Variants in CSN2 observed in about 807,000 individuals in gnomAD.
CSN2 encodes beta-casein.
CSN2 carries 27 observed loss-of-function variants against 27.3 expected under a neutral mutation model. That is an observed-to-expected ratio of 0.99 (90% CI 0.73 to 1.36). CSN2 has a LOEUF of 1.36. CSN2 is among the 40% of genes most tolerant of loss of function. The pLI is 0.00. For missense variants in CSN2, 333 were observed against 264.5 expected, an observed-to-expected ratio of 1.26 and a Z score of -1.80; for synonymous variants, 131 against 94.8, an observed-to-expected ratio of 1.38 and a Z score of -2.22.
At chr4:69,957,830 G>C in intron 5 of CSN2, 26 bp from the exon 6 acceptor site, 1 of 1,590,102 alleles carries the variant, frequency 6.3e-7, no homozygotes, top group Non-Finnish European at 8.6e-7. Context: ...AAGAATCTTT[G>C]AGTCCTTGAT....
rs753613191 is a variant in CSN2, at chr4:69,957,832, G to A, written c.145-28C>T. 12 of 1,582,546 alleles carry A rather than the reference G, an allele frequency of 7.6e-6. No individual in the cohort carries two copies. In the African/African-American group the frequency reaches 1.6e-4, roughly 21 times the overall value. On this transcript the variant is annotated intron_variant, in intron 5 of 7. Coordinates refer to ENST00000353151, the MANE Select transcript of CSN2 (RefSeq NM_001891.4). ...GGAAAGAAGGAAAAAGAATCTTTGA[G>A]TCCTTGATTAAGCTATAATTGCCAT...
rs1723434887 is a variant in CSN2 at position 69,957,414 on chromosome 4, T to C, written c.535A>G (p.Ile179Val). 1.9e-6 allele frequency: 3 copies of C among 1,613,422 alleles called. No individual in the cohort carries two copies. The highest frequency in any genetic ancestry group is 2.5e-6 in the Non-Finnish European group (3 of 1,179,866). Reference protein sequence around the residue: ...WSVPQPKVLPIPQQVVPYPQR... With the variant: ...WSVPQPKVLPVPQQVVPYPQR... The stretch of plus-strand genomic sequence containing the variant: ...GGGTAGGGCACCACTTGCTGGGGGA[T>C]AGGCAGGACTTTGGGCTGAGGAACA... The change falls in exon 6 of 8, where the codon ATC (isoleucine) becomes GTC (valine). Residue 179 changes from isoleucine to valine, a missense_variant. Transcript: ENST00000353151.
In CSN2 at chr4:69,961,006, T is replaced by A. The variant is rs201010990; in HGVS notation, c.-11A>T. The A allele has an allele frequency of 6.2e-7, 1 of 1,610,850 alleles. No individual in the cohort carries two copies. On this transcript the variant is annotated splice_region_variant and 5_prime_UTR_variant, in exon 2 of 8. Transcript: ENST00000353151. ...GATGAGGACCTTCATGGCTACTAAGTCCTGTGAATGTAGAAAAAATGGAAT... is the reference window on the plus strand; with the variant it reads ...GATGAGGACCTTCATGGCTACTAAGACCTGTGAATGTAGAAAAAATGGAAT...
At position 69,958,896 on chromosome 4, in the gene CSN2, A is replaced by T; in HGVS notation, c.144+13T>A. The T allele has an allele frequency of 2.6e-6, 4 of 1,546,990 alleles. No homozygotes were observed. Among genetic ancestry groups the T allele is most frequent in the Non-Finnish European group, 3.6e-6 (4 of 1,125,892 alleles). On this transcript the variant is annotated intron_variant, in intron 5 of 7. Transcript: ENST00000353151. ...TAATAATTTTAAACATATACTTATC[A>T]TTAACAAATTACCTCTCCTTGCTGC...
intron 2 of CSN2, 114 bp from the exon 3 acceptor site, chr4:69,960,193 T>C: frequency 1.1e-6 from 1 of 915,960 alleles, no homozygotes. Context: ...AGAGGATGCA[T>C]TGGATTGTTC....
At chr4:69,960,022 T>G (rs765711120) in intron 3 of CSN2, 31 bp downstream of exon 3, 5 of 1,601,916 alleles carry the variant, frequency 3.1e-6, no homozygotes, top group South Asian at 1.1e-5. Context: ...AGGATTTTAC[T>G]GTTCTAAAAT....
chr4:69,959,786 A>G (rs975550270), intron 3 of CSN2, among the ~76,000 whole-genome samples: 4 of 151,994 alleles, frequency 2.6e-5, no homozygotes, highest in Non-Finnish European at 5.9e-5. Flanking sequence ...CAGAGTAAAG[A>G]GAGTTCAAGG....
At chr4:69,962,756 A>G (rs1215161804) in intron 1 of CSN2, among the ~76,000 whole-genome samples, 13 of 152,062 alleles carry the variant, frequency 8.5e-5, no homozygotes, top group East Asian at 1.9e-4. Context: ...AAACTAAAGA[A>G]CTTCTGCACA....
chr4:69,965,407 A>T (rs866301829), intron 1 of CSN2, among the ~76,000 whole-genome samples: 64 of 60,296 alleles, frequency 1.1e-3, no homozygotes, highest in African/African-American at 4.5e-3. Flanking sequence ...CTAGCCTCAT[A>T]CTATATATAT....
At chr4:69,958,465 A>G (rs1723471961) in intron 5 of CSN2, among the ~76,000 whole-genome samples, 1 of 152,196 alleles carries the variant, frequency 6.6e-6, no homozygotes, top group African/African-American at 2.4e-5. Flanking sequence ...TTGGGTAAAC[A>G]TATCACCATA....
intron 1 of CSN2, among the ~76,000 whole-genome samples, chr4:69,963,334 C>G (rs1316052356): frequency 4.6e-5 from 7 of 151,614 alleles, no homozygotes; most frequent in Non-Finnish European, 8.8e-5. Flanking sequence ...TTGGAACCAA[C>G]CCAAATGTCC....
At chr4:69,959,792 C>T (rs1027466082) in intron 3 of CSN2, among the ~76,000 whole-genome samples, 1 of 151,130 alleles carries the variant, frequency 6.6e-6, no homozygotes, top group Non-Finnish European at 1.5e-5. Flanking sequence ...AAAGAGAGTT[C>T]AAGGCAGAAA....
At chr4:69,960,189 T>A (rs1723528953) in intron 2 of CSN2, 110 bp from the exon 3 acceptor site, 1 of 930,892 alleles carries the variant, frequency 1.1e-6, no homozygotes, top group African/African-American at 1.7e-5. Flanking sequence ...CCTCAGAGGA[T>A]GCATTGGATT....
intron 6 of CSN2, 61 bp downstream of exon 6, chr4:69,957,213 T>C (rs1259427538): frequency 7.0e-7 from 1 of 1,420,878 alleles, no homozygotes; most frequent in Non-Finnish European, 9.5e-7. Flanking sequence ...ATTTATTCTT[T>C]TATTCTACCA....
intron 1 of CSN2, among the ~76,000 whole-genome samples, chr4:69,965,408 CTATATATATATATATATATATATATATA>C (rs756206077): frequency 1.1e-5 from 1 of 88,130 alleles, no homozygotes; most frequent in East Asian, 3.4e-4. Context: ...TAGCCTCATA[CTATATATATATATATATATATATATATA>C]TATATATATG....
chr4:69,964,259 A>G (rs1294185442), intron 1 of CSN2, among the ~76,000 whole-genome samples: 1 of 152,104 alleles, frequency 6.6e-6, no homozygotes, highest in Non-Finnish European at 1.5e-5. Flanking sequence ...CCTCTTGCCC[A>G]CTGCTAAGCT....
chr4:69,957,365 G>A lies in CSN2; in HGVS notation c.584C>T (p.Ala195Val), dbSNP rs768242941. Residue 195 changes from alanine (A) to valine (V), a missense_variant, in exon 6 of 8, where the codon GCC becomes GTC. By Grantham distance (64) the Ala-to-Val change is moderately conservative. Transcript: ENST00000353151. ...TAGAAGTTCTTGGTTGAGCAGAAGG[G>A]CTTGAACAGGCACAGCTCTCTGAGG... ...PYPQRAVPVQALLLNQELLLN... is the reference protein window; with the variant it reads ...PYPQRAVPVQVLLLNQELLLN... 10 of 1,613,332 alleles carry A rather than the reference G, an allele frequency of 6.2e-6. No homozygotes were observed. The highest frequency in any genetic ancestry group is 7.6e-6 in the Non-Finnish European group (9 of 1,179,740).
At position 69,957,388 on chromosome 4, in the gene CSN2, A is replaced by G. The variant is rs760642309; in HGVS notation, c.561T>C (p.Pro187=). The G allele has an allele frequency of 1.2e-6, 2 of 1,613,552 alleles. No homozygotes were observed. Among genetic ancestry groups the G allele is most frequent in the Non-Finnish European group, 1.7e-6 (2 of 1,179,874 alleles). Residue 187 remains proline (P), a synonymous_variant, in exon 6 of 8, where the codon CCT becomes CCC. Coordinates refer to ENST00000353151, the MANE Select transcript of CSN2 (RefSeq NM_001891.4). ...GGGCTTGAACAGGCACAGCTCTCTG[A>G]GGGTAGGGCACCACTTGCTGGGGGA... ...LPIPQQVVPY[P]QRAVPVQALL...
chr4:69,961,744 A>G (rs1344291862), intron 1 of CSN2, among the ~76,000 whole-genome samples: 1 of 152,182 alleles, frequency 6.6e-6, no homozygotes, highest in Non-Finnish European at 1.5e-5. Context: ...GCAATTAGGC[A>G]GGAGAAGGAA....
Sources: allele counts gnomAD v4.1 joint callset (sites outside exome capture counted in the v4.1 genomes callset), GRCh38; gene constraint gnomAD v4.1.1; transcripts MANE v1.5; gene names NCBI Gene and HGNC (gene_info 2026-07-23, HGNC 2026-07-21).